The following ANO4 variants were observed in gnomAD, a reference collection of about 807,000 sequenced individuals.
ANO4 encodes anoctamin 4.
A neutral mutation model predicts 141.9 loss-of-function variants in ANO4; 69 were observed. The ratio of observed to expected loss-of-function variants is 0.49; its 90% confidence interval spans 0.40 to 0.59. The LOEUF (loss-of-function observed/expected upper bound fraction) is 0.59. ANO4 is among the 20% of genes least tolerant of loss of function. ANO4 has a pLI of 0.00. For synonymous variants in ANO4, 350 were observed against 394.3 expected (o/e 0.89, Z 1.33); for missense variants, 894 against 1,162.2 (o/e 0.77, Z 3.36).
At chr12:100,967,355 C>T (rs551079145) in intron 5 of ANO4, among the ~76,000 whole-genome samples, 1 of 152,196 alleles carries the variant, frequency 6.6e-6, no homozygotes, top group African/African-American at 2.4e-5. Flanking sequence ...AAAGACCTAT[C>T]TAGAAACAGC....
intron 3 of ANO4, among the ~76,000 whole-genome samples, chr12:100,777,417 C>G (rs1175570097): frequency 6.6e-6 from 1 of 151,628 alleles, no homozygotes; most frequent in African/African-American, 2.4e-5. Flanking sequence ...CCATGCCCAG[C>G]CCACGTATCC....
At chr12:100,992,884 T>C (rs1051438648) in intron 8 of ANO4, among the ~76,000 whole-genome samples, 94 of 152,116 alleles carry the variant, frequency 6.2e-4, no homozygotes, top group African/African-American at 1.8e-3. Context: ...ATATTAAAGT[T>C]GAGAATCTAT....
At chr12:101,048,181 C>T (rs1039046029) in intron 13 of ANO4, 160 bp from the exon 14 acceptor site, 6 of 1,050,494 alleles carry the variant, frequency 5.7e-6, no homozygotes, top group Admixed American at 2.9e-5. Flanking sequence ...TAGAGGAAGC[C>T]TTTTCTTATT....
In ANO4 at chr12:101,086,669, G is replaced by A. The variant is rs1395427537; in HGVS notation, c.1546G>A (p.Val516Met). The A allele has an allele frequency of 6.2e-7, 1 of 1,613,646 alleles. No homozygotes were observed. Among genetic ancestry groups the A allele is most frequent in the Non-Finnish European group, 8.5e-7 (1 of 1,179,770 alleles). The change falls in exon 17 of 28, where the codon GTG becomes ATG. Residue 516 changes from valine (V) to methionine (M), a missense_variant. Physicochemically the swap from Val to Met is conservative, Grantham distance 21. Around this residue, in one of 2 missense-constraint regions of ANO4, gnomAD observed 637 missense variants for 909.2 expected, o/e 0.70. Coordinates refer to ENST00000392977, the MANE Select transcript of ANO4 (RefSeq NM_001286615.2). ...CTTGTCTTCCTGCCAGATCTGCGTGGTGATTGCTGCCGTGTTCGGGATCGT... is the reference window on the plus strand; with the variant it reads ...CTTGTCTTCCTGCCAGATCTGCGTGATGATTGCTGCCGTGTTCGGGATCGT... ...ASGIFFMICV[V>M]IAAVFGIVIY...
intron 1 of ANO4, among the ~76,000 whole-genome samples, chr12:100,879,665 C>T (rs1364413968): frequency 2.0e-5 from 3 of 152,150 alleles, no homozygotes; most frequent in Non-Finnish European, 4.4e-5. Flanking sequence ...GTATTCCTAG[C>T]ATCAGGCAAA....
chr12:100,729,069 A>G (rs1049388683), intron 1 of ANO4, among the ~76,000 whole-genome samples: 1 of 152,154 alleles, frequency 6.6e-6, no homozygotes, highest in African/African-American at 2.4e-5. Context: ...ACCATCCATT[A>G]TGCAGTAATA....
chr12:101,019,039 T>C (rs2046418088), intron 8 of ANO4, among the ~76,000 whole-genome samples: 1 of 151,892 alleles, frequency 6.6e-6, no homozygotes, highest in Non-Finnish European at 1.5e-5. Context: ...AGTAACTGAA[T>C]GCTTTGGGGG....
chr12:100,761,599 G>A (rs1565860742), intron 3 of ANO4, among the ~76,000 whole-genome samples: 2 of 152,290 alleles, frequency 1.3e-5, no homozygotes. Context: ...TATTGGCCGT[G>A]TAGGTACCTC....
intron 25 of ANO4, among the ~76,000 whole-genome samples, chr12:101,117,842 C>T (rs1331090934): frequency 6.6e-6 from 1 of 152,184 alleles, no homozygotes; most frequent in African/African-American, 2.4e-5. Flanking sequence ...ACTTCAGTCC[C>T]TCATCTTACA....
chr12:101,019,677 G>A (rs2046446081), intron 8 of ANO4, among the ~76,000 whole-genome samples: 1 of 152,114 alleles, frequency 6.6e-6, no homozygotes. Flanking sequence ...GCCTGAGGTA[G>A]GAGAGAAGAG....
At chr12:100,770,431 G>A (rs547457767) in intron 3 of ANO4, among the ~76,000 whole-genome samples, 40 of 152,214 alleles carry the variant, frequency 2.6e-4, no homozygotes, top group African/African-American at 9.6e-4. Flanking sequence ...TTCTATTTTA[G>A]TAGCTATATT....
intron 14 of ANO4, among the ~76,000 whole-genome samples, chr12:101,052,727 C>G (rs948209144): frequency 6.6e-6 from 1 of 151,182 alleles, no homozygotes; most frequent in African/African-American, 2.5e-5. Context: ...ATAGTCTTAT[C>G]TACATGTTCC....
intron 14 of ANO4, among the ~76,000 whole-genome samples, chr12:101,072,982 C>A (rs556567745): frequency 6.6e-6 from 1 of 151,936 alleles, no homozygotes; most frequent in South Asian, 2.1e-4. Flanking sequence ...TTACACTGTT[C>A]ATGGGAGTGT....
At position 100,824,768 on chromosome 12, in the gene ANO4, C is replaced by T. The variant is rs577600172; in HGVS notation, c.-141+29741C>T. 6.9e-4 allele frequency among the ~76,000 whole-genome samples: 105 copies of T among 152,046 alleles called. 1 individual carries two copies. The South Asian group carries it at 0.013, about 18-fold the overall frequency. On this transcript the variant is annotated intron_variant, in intron 1 of 27. Transcript: ENST00000392977. ...TCGCAGAGGAAATGGCTTCACAGAC[C>T]GGAAAATTTAAGTTGTCATAGAAAC...
At chr12:100,982,521 A>G (rs902689263) in intron 7 of ANO4, among the ~76,000 whole-genome samples, 3 of 152,242 alleles carry the variant, frequency 2.0e-5, no homozygotes, top group Non-Finnish European at 4.4e-5. Context: ...TTGGGAAAAG[A>G]GCAATCTATG....
At chr12:100,873,784 A>G (rs930917335) in intron 1 of ANO4, among the ~76,000 whole-genome samples, 2 of 152,248 alleles carry the variant, frequency 1.3e-5, no homozygotes, top group African/African-American at 4.8e-5. Context: ...AAATTTGCAT[A>G]AGTGAAAAGG....
At chr12:100,887,524 T>G (rs2039896215) in intron 1 of ANO4, among the ~76,000 whole-genome samples, 1 of 152,016 alleles carries the variant, frequency 6.6e-6, no homozygotes, top group Non-Finnish European at 1.5e-5. Flanking sequence ...TCTTTCTTTT[T>G]TTTTTTTCTT....
At chr12:100,735,788 AGATGTGTTGATTT>A (rs1159732794) in intron 2 of ANO4, among the ~76,000 whole-genome samples, 1 of 152,168 alleles carries the variant, frequency 6.6e-6, no homozygotes, top group Non-Finnish European at 1.5e-5. Context: ...GTGATAGGTT[AGATGTGTTGATTT>A]GATGTGCCCG....
chr12:100,867,081 G>C (rs1291116417), intron 1 of ANO4, among the ~76,000 whole-genome samples: 1 of 152,156 alleles, frequency 6.6e-6, no homozygotes, highest in Non-Finnish European at 1.5e-5. Flanking sequence ...GGTGGGAGGT[G>C]AGGGCATGAG....
Sources: gnomAD v4.1 joint callset for allele counts (sites outside exome capture counted in the v4.1 genomes callset) on GRCh38, gnomAD v4.1.1 for gene constraint, gnomAD v4.1.1 regional missense constraint, MANE v1.5 for transcripts, NCBI Gene and HGNC (gene_info 2026-07-23, HGNC 2026-07-21) for gene names.